MTA1: variants seen among roughly 807,000 people sequenced by gnomAD.
MTA1 encodes the protein metastasis associated 1, also known as metastasis-associated protein MTA1.
MTA1 carries 15 observed loss-of-function variants against 97.0 expected under a neutral mutation model. The observed-to-expected ratio is 0.15, with a 90% CI of 0.10 to 0.24. The LOEUF (loss-of-function observed/expected upper bound fraction) is 0.24, where lower values mean the gene tolerates loss of function less well. Among genes scored for constraint, MTA1 ranks in the 10% least tolerant of loss-of-function variants. The probability of loss-of-function intolerance (pLI) is 1.00; values close to 1 mark genes in which losing one functional copy is unlikely to be tolerated. For synonymous variants in MTA1, 435 were observed against 417.5 expected (o/e 1.04, Z -0.51); for missense variants, 709 against 1,015.1 (o/e 0.70, Z 4.10).
chr14:105,467,880 C>T (rs587757556), intron 18 of MTA1: 3 of 238,170 alleles, frequency 1.3e-5, no homozygotes, highest in South Asian at 4.7e-5. Flanking sequence ...TTGTAAAAAG[C>T]GGTTAACCAG....
chr14:105,425,751 C>T lies in MTA1; in HGVS notation c.28+5688C>T, dbSNP rs1356169781. Among the ~76,000 whole-genome samples the T allele has an allele frequency of 3.4e-5, 5 of 149,252 alleles. No individual in the cohort carries two copies. The East Asian group carries it at 1.0e-3, about 30-fold the overall frequency. The stretch of plus-strand genomic sequence containing the variant: ...TGTGCGGACTGGGGGATCTTGGTGG[C>T]GATGGAGCCAAGCCCAGGGAGGCTG... On this transcript the variant is annotated intron_variant, in intron 1 of 20. Coordinates refer to ENST00000331320, the MANE Select transcript of MTA1 (RefSeq NM_004689.4).
At chr14:105,453,244 C>T (rs911897317) in intron 6 of MTA1, among the ~76,000 whole-genome samples, 4 of 152,274 alleles carry the variant, frequency 2.6e-5, no homozygotes, top group African/African-American at 4.8e-5. Context: ...TGGAATGCTC[C>T]GTAGCGCTCC....
chr14:105,431,070 C>A (rs587727483), intron 1 of MTA1, among the ~76,000 whole-genome samples: 3 of 152,158 alleles, frequency 2.0e-5, no homozygotes, highest in Non-Finnish European at 4.4e-5. Flanking sequence ...AGCAGCCAGT[C>A]GGTTATCCAG....
intron 2 of MTA1, among the ~76,000 whole-genome samples, chr14:105,439,208 A>C (rs115616951): frequency 0.01 from 1,339 of 130,356 alleles, 15 homozygotes; most frequent in African/African-American, 0.035. Context: ...TCACTCAGGC[A>C]GCCCTGCAGG....
At position 105,420,080 on chromosome 14, in the gene MTA1, T is replaced by C; in HGVS notation, c.28+17T>C. Reference sequence around the variant, plus strand: ...GGGTCGGAGGTAAGGCCGCACCGCCTTTATGCCCGGCCCCGACCCGCCCGC... The same window carrying C: ...GGGTCGGAGGTAAGGCCGCACCGCCCTTATGCCCGGCCCCGACCCGCCCGC... On this transcript the variant is annotated intron_variant, in intron 1 of 20. Coordinates refer to ENST00000331320, the MANE Select transcript of MTA1 (RefSeq NM_004689.4). This position sits in a 1 kb window ranked among gnomAD's most constrained non-coding sequence, Gnocchi z 5.3. 1 of 1,062,030 alleles carries C rather than the reference T, an allele frequency of 9.4e-7. No individual in the cohort carries two copies. The highest frequency in any genetic ancestry group is 1.1e-6 in the Non-Finnish European group (1 of 874,516). 65.8% of individuals were successfully genotyped at this position (1,062,030 alleles called of 1,614,324 possible).
At chr14:105,465,448 C>T (rs1194237478) in intron 16 of MTA1, 1 of 324,502 alleles carries the variant, frequency 3.1e-6, no homozygotes, top group African/African-American at 2.1e-5. Flanking sequence ...CCAGCCTCCT[C>T]AAGGCACACC....
At chr14:105,440,527 C>T (rs781853761) in intron 2 of MTA1, among the ~76,000 whole-genome samples, 1 of 152,260 alleles carries the variant, frequency 6.6e-6, no homozygotes, top group Non-Finnish European at 1.5e-5. Context: ...CTTCCATGTG[C>T]AGACAGTAGA....
At chr14:105,460,688 C>T in intron 9 of MTA1, 77 bp from the exon 10 acceptor site, 1 of 1,427,290 alleles carries the variant, frequency 7.0e-7, no homozygotes, top group Non-Finnish European at 9.3e-7. Flanking sequence ...CCTTGAGGTA[C>T]TGAGGGAGGG....
chr14:105,430,452 C>G (rs1555423147), intron 1 of MTA1, among the ~76,000 whole-genome samples: 3 of 152,070 alleles, frequency 2.0e-5, no homozygotes, highest in Admixed American at 1.3e-4. Flanking sequence ...CATCGAGGAG[C>G]AATGACCACA....
At chr14:105,451,816 G>A (rs1398342640) in intron 6 of MTA1, among the ~76,000 whole-genome samples, 28 of 110,788 alleles carry the variant, frequency 2.5e-4, no homozygotes, top group African/African-American at 8.3e-4. Flanking sequence ...TTGAGACAGA[G>A]TTTCGCTCTT....
chr14:105,468,423 C>T lies in MTA1; in HGVS notation c.1814-1044C>T. 2.4e-6 allele frequency: 3 copies of T among 1,258,388 alleles called. No homozygotes were observed. In the South Asian group the frequency reaches 3.7e-5, roughly 16 times the overall value. The allele number at this position is 1,258,388 out of a possible 1,614,324, so 78.0% of individuals were successfully genotyped here. On this transcript the variant is annotated intron_variant, in intron 18 of 20. Transcript: ENST00000331320. ...TTGTGGCAGGTGCCCTGAGGTATGG[C>T]TGTTCCTGCTTGGGAGCGCCGCAGA...
At chr14:105,438,545 G>A (rs182428910) in intron 1 of MTA1, 127 bp from the exon 2 acceptor site, 46 of 797,430 alleles carry the variant, frequency 5.8e-5, no homozygotes, top group Middle Eastern at 3.6e-4. Context: ...TTTATTCCTC[G>A]CCTGAGGGAG....
intron 13 of MTA1, 97 bp downstream of exon 13, chr14:105,464,244 A>G: frequency 7.6e-7 from 1 of 1,323,958 alleles, no homozygotes; most frequent in Admixed American, 2.3e-5. Context: ...CCAGCCTGCA[A>G]GGGGCCCACT....
Position 105,463,497 on chromosome 14 carries a change from G to A in MTA1, c.1022G>A (p.Arg341His), listed in dbSNP as rs2083441617. Residue 341 changes from arginine to histidine, a missense_variant, in exon 12 of 21, where the codon CGC (arginine) becomes CAC (histidine). By Grantham distance (29) the Arg-to-His change is conservative. Coordinates refer to ENST00000331320, the MANE Select transcript of MTA1 (RefSeq NM_004689.4). The surrounding 1 kb of genome is among the most constrained non-coding windows in gnomAD (Gnocchi z 5.9). ...GACCTTCTCTTTTGTTTTAAGAAAC[G>A]CTTGAAAGCAGCTGAAGCTGAGAGC... ...KTTDRYVQQK[R>H]LKAAEAESKL... 1 of 1,613,024 alleles carries A rather than the reference G, an allele frequency of 6.2e-7. No homozygotes were observed. Among genetic ancestry groups the A allele is most frequent in the South Asian group, 1.1e-5 (1 of 91,088 alleles).
At position 105,460,377 on chromosome 14, in the gene MTA1, C is replaced by A. The variant is rs1555430710; in HGVS notation, c.673C>A (p.Arg225=). The stretch of plus-strand genomic sequence containing the variant: ...CCCCAGCTCTGTGGGCACCTTCGCA[C>A]GGGCCCTGGACTGCAGCAGCTCCGT... The part of the protein sequence containing the change: ...VVARSVGTFA[R]ALDCSSSVRQ... Residue 225 remains arginine (R), a synonymous_variant, in exon 9 of 21, where the codon CGG becomes AGG. Transcript: ENST00000331320. The A allele has an allele frequency of 1.9e-6, 3 of 1,610,682 alleles. No individual in the cohort carries two copies. In the Admixed American group the frequency reaches 5.0e-5, roughly 27 times the overall value.
intron 18 of MTA1, chr14:105,467,424 G>A (rs868973680): frequency 6.6e-6 from 3 of 455,932 alleles, no homozygotes; most frequent in Middle Eastern, 6.7e-4. Flanking sequence ...ACCTGGAGGT[G>A]GATATGGGTA....
chr14:105,455,662 GTTC>G (rs1170851017), intron 7 of MTA1, among the ~76,000 whole-genome samples: 6 of 152,264 alleles, frequency 3.9e-5, no homozygotes, highest in Non-Finnish European at 5.9e-5. Flanking sequence ...GCTGTTTCGT[GTTC>G]TTCTTGATTG....
At chr14:105,427,790 T>G (rs1055829610) in intron 1 of MTA1, among the ~76,000 whole-genome samples, 3 of 151,892 alleles carry the variant, frequency 2.0e-5, no homozygotes, top group African/African-American at 4.8e-5. Flanking sequence ...GAGGCTGAGG[T>G]GGGCAGATCA....
chr14:105,451,298 G>A (rs1391985524), intron 6 of MTA1, among the ~76,000 whole-genome samples: 2 of 152,250 alleles, frequency 1.3e-5, no homozygotes, highest in African/African-American at 4.8e-5. Context: ...GGAAACAGGC[G>A]TGAAGGGCGA....
Sources: gnomAD v4.1 joint callset for allele counts (sites outside exome capture counted in the v4.1 genomes callset) on GRCh38, gnomAD v4.1.1 for gene constraint, Gnocchi (gnomAD v3.1) non-coding constraint, MANE v1.5 for transcripts, NCBI Gene and HGNC (gene_info 2026-07-23, HGNC 2026-07-21) for gene names.